The following NRG3 variants were observed in gnomAD, a reference collection of about 807,000 sequenced individuals.
The protein encoded by NRG3 is neuregulin 3, also known as pro-neuregulin-3, membrane-bound isoform.
A neutral mutation model predicts 66.9 loss-of-function variants in NRG3; 31 were observed. The ratio of observed to expected loss-of-function variants is 0.46; its 90% confidence interval spans 0.35 to 0.63. The LOEUF is 0.63. NRG3 is among the 20% of genes least tolerant of loss of function. NRG3 has a pLI of 0.00. For missense variants in NRG3, 910 were observed against 878.9 expected (o/e 1.04, Z -0.45); for synonymous variants, 393 against 359.4 (o/e 1.09, Z -1.06).
intron 1 of NRG3, among the ~76,000 whole-genome samples, chr10:82,341,141 A>G (rs1242398660): frequency 6.6e-6 from 1 of 152,124 alleles, no homozygotes; most frequent in East Asian, 1.9e-4. Context: ...ATTTAAAAAT[A>G]AAAAATATTT....
intron 1 of NRG3, among the ~76,000 whole-genome samples, chr10:82,336,226 G>C (rs960645102): frequency 4.6e-5 from 7 of 152,128 alleles, no homozygotes; most frequent in Non-Finnish European, 7.4e-5. Context: ...CACACCAGTA[G>C]AAGAGAAAAG....
intron 2 of NRG3, among the ~76,000 whole-genome samples, chr10:82,737,878 G>A (rs534370720): frequency 1.3e-5 from 2 of 152,142 alleles, no homozygotes; most frequent in South Asian, 4.1e-4. Context: ...CCTCCAAATT[G>A]TGCCCGCCTC....
chr10:82,036,337 T>A (rs1288992635), intron 1 of NRG3, among the ~76,000 whole-genome samples: 2 of 152,134 alleles, frequency 1.3e-5, no homozygotes, highest in Non-Finnish European at 1.5e-5. Context: ...GTCCTAGTTC[T>A]AGGCCAAGTG....
intron 2 of NRG3, among the ~76,000 whole-genome samples, chr10:82,389,234 C>T (rs972823288): frequency 2.0e-5 from 3 of 152,116 alleles, no homozygotes; most frequent in Non-Finnish European, 2.9e-5. Flanking sequence ...GAATTCAACT[C>T]GCAAATTTCT....
intron 2 of NRG3, among the ~76,000 whole-genome samples, chr10:82,673,040 C>T (rs952666082): frequency 1.3e-5 from 2 of 152,216 alleles, no homozygotes; most frequent in Admixed American, 6.5e-5. Context: ...CGTGAGCCAC[C>T]GTGCCCAGCC....
intron 3 of NRG3, among the ~76,000 whole-genome samples, chr10:82,754,698 A>G (rs1190671896): frequency 2.0e-5 from 3 of 152,144 alleles, no homozygotes; most frequent in Non-Finnish European, 4.4e-5. Flanking sequence ...CCAGAGACCA[A>G]TCCTGTTCTA....
At chr10:82,411,067 C>A (rs1367162371) in intron 2 of NRG3, among the ~76,000 whole-genome samples, 1 of 152,096 alleles carries the variant, frequency 6.6e-6, no homozygotes, top group Non-Finnish European at 1.5e-5. Flanking sequence ...TAGGCACCAC[C>A]ACCATCCCTG....
chr10:82,227,544 A>G (rs943820212), intron 1 of NRG3, among the ~76,000 whole-genome samples: 28 of 152,108 alleles, frequency 1.8e-4, no homozygotes, highest in Non-Finnish European at 1.2e-4. Context: ...AAGAGACATG[A>G]AATGTATTTG....
At chr10:82,706,518 A>G (rs1435785526) in intron 2 of NRG3, among the ~76,000 whole-genome samples, 1 of 152,190 alleles carries the variant, frequency 6.6e-6, no homozygotes, top group Non-Finnish European at 1.5e-5. Flanking sequence ...GTGAGTCTCC[A>G]TCCTGGACAA....
chr10:82,367,969 C>G (rs2135709517), intron 2 of NRG3, among the ~76,000 whole-genome samples: 1 of 152,262 alleles, frequency 6.6e-6, no homozygotes, highest in South Asian at 2.1e-4. Flanking sequence ...TACCACTGCA[C>G]TCCAGCCTAG....
chr10:82,535,902 C>CTT (rs34319022), intron 2 of NRG3, among the ~76,000 whole-genome samples: 1,477 of 133,016 alleles, frequency 0.011, 27 homozygotes, highest in East Asian at 0.039. Flanking sequence ...TTAAAGTAGT[C>CTT]TTTTTTTTTT....
chr10:82,349,915 G>A (rs1047281014), intron 1 of NRG3, among the ~76,000 whole-genome samples: 1 of 152,170 alleles, frequency 6.6e-6, no homozygotes, highest in Non-Finnish European at 1.5e-5. Context: ...GCCTCGCCCT[G>A]CTTCGGCTCG....
intron 2 of NRG3, among the ~76,000 whole-genome samples, chr10:82,537,933 G>T (rs2043272915): frequency 6.6e-6 from 1 of 152,106 alleles, no homozygotes; most frequent in Non-Finnish European, 1.5e-5. Context: ...CAGTGTTGCT[G>T]CCTCAGATTT....
chr10:81,970,976 C>T (rs904648125), intron 1 of NRG3, among the ~76,000 whole-genome samples: 1 of 152,106 alleles, frequency 6.6e-6, no homozygotes, highest in Non-Finnish European at 1.5e-5. Context: ...CCTGTCTCTA[C>T]TAAAGATACA....
At chr10:81,933,874 T>C (rs753054881) in intron 1 of NRG3, among the ~76,000 whole-genome samples, 1 of 152,234 alleles carries the variant, frequency 6.6e-6, no homozygotes, top group Non-Finnish European at 1.5e-5. Flanking sequence ...TGAATTATGT[T>C]ATTCTACAAT....
At chr10:82,914,823 C>G (rs1302906809) in intron 4 of NRG3, among the ~76,000 whole-genome samples, 1 of 151,726 alleles carries the variant, frequency 6.6e-6, no homozygotes, top group Non-Finnish European at 1.5e-5. Flanking sequence ...GTATTTCCCT[C>G]CAATGTTGAA....
intron 1 of NRG3, chr10:81,877,953 A>G (rs1244786849): frequency 1.3e-6 from 2 of 1,537,512 alleles, no homozygotes; most frequent in South Asian, 1.2e-5. Context: ...GATGCAGTTG[A>G]TAGAATAATG....
intron 1 of NRG3, among the ~76,000 whole-genome samples, chr10:81,876,588 A>G (rs541323682): frequency 6.6e-6 from 1 of 152,340 alleles, no homozygotes; most frequent in East Asian, 1.9e-4. Flanking sequence ...GTAGGAAGGA[A>G]AGAAAGCAAA....
chr10:82,202,368 T>C (rs1349862169), intron 1 of NRG3, among the ~76,000 whole-genome samples: 1 of 152,168 alleles, frequency 6.6e-6, no homozygotes, highest in Non-Finnish European at 1.5e-5. Context: ...AGGGGGTAAA[T>C]GAAGGAGCAT....
Sources: gnomAD v4.1 joint callset for allele counts (sites outside exome capture counted in the v4.1 genomes callset) on GRCh38, gnomAD v4.1.1 for gene constraint, MANE v1.5 for transcripts, NCBI Gene and HGNC (gene_info 2026-07-23, HGNC 2026-07-21) for gene names.